The following BNIP1 variants were observed in gnomAD, a reference collection of about 807,000 sequenced individuals.
BNIP1 encodes the protein vesicle transport protein SEC20.
Under a neutral mutation model 28.5 loss-of-function variants are expected in BNIP1, and 25 were observed. That is an observed-to-expected ratio of 0.88 (90% confidence interval 0.64 to 1.23). BNIP1 has a LOEUF of 1.23. BNIP1 is among the 50% of genes most tolerant of loss of function. The pLI is 0.00. For missense variants in BNIP1, 276 were observed against 277.0 expected, an observed-to-expected ratio of 1.00 and a Z score of 0.02; for synonymous variants, 118 against 101.7, an observed-to-expected ratio of 1.16 and a Z score of -0.96.
Position 173,163,857 on chromosome 5 carries a change from C to T in BNIP1, c.623C>T (p.Ala208Val), listed in dbSNP as rs776652848. Residue 208 changes from alanine to valine, a missense_variant, in exon 6 of 6, where the codon GCG becomes GTG. By Grantham distance (64) the Ala-to-Val change is moderately conservative. Transcript: ENST00000351486. ...ELTDKLLIFL[A>V]LALFLATVLY... is the part of the protein sequence containing the mutation. ...ACGGACAAGCTTCTCATCTTCCTTG[C>T]GCTAGCCCTGTTTCTTGCTACGGTC... 1.9e-6 allele frequency: 3 copies of T among 1,613,934 alleles called. No individual in the cohort carries two copies. Among genetic ancestry groups the T allele is most frequent in the Non-Finnish European group, 1.7e-6 (2 of 1,179,974 alleles).
At chr5:173,151,040 T>G (rs1196876752) in intron 2 of BNIP1, among the ~76,000 whole-genome samples, 2 of 152,164 alleles carry the variant, frequency 1.3e-5, no homozygotes, top group East Asian at 3.9e-4. Flanking sequence ...TTTCACCGTG[T>G]TAGCCAGGCT....
intron 3 of BNIP1, 43 bp downstream of exon 3, chr5:173,154,456 C>T (rs886292920): frequency 1.9e-5 from 29 of 1,510,808 alleles, no homozygotes; most frequent in Non-Finnish European, 2.6e-5. Context: ...GCTGGCTCTT[C>T]TTGTTGCCTG....
At position 173,164,018 on chromosome 5, in the gene BNIP1, C is replaced by T. The variant is rs1760440936; in HGVS notation, c.*97C>T. 2 of 1,251,242 alleles carry T rather than the reference C, an allele frequency of 1.6e-6. No homozygotes were observed. The highest frequency in any genetic ancestry group is 3.0e-5 in the African/African-American group (2 of 65,734). The allele number at this position is 1,251,242 out of a possible 1,614,324, so 77.5% of individuals were successfully genotyped here. A position where few individuals can be genotyped will look rare whatever the true frequency, so the allele number is the denominator to read the frequency against. On this transcript the variant is annotated 3_prime_UTR_variant, in exon 6 of 6. Transcript: ENST00000351486. The surrounding 1 kb of genome is among the most constrained non-coding windows in gnomAD (Gnocchi z 4.0). Reference sequence around the variant, plus strand: ...CTGCTAAGCTGAGCCACACACCCCTCCGTTTGCACCAGTTGCCTGCAGGTT... The same window carrying T: ...CTGCTAAGCTGAGCCACACACCCCTTCGTTTGCACCAGTTGCCTGCAGGTT...
At position 173,158,841 on chromosome 5, in the gene BNIP1, C is replaced by G. The variant is rs1760282016; in HGVS notation, c.367C>G (p.Gln123Glu). The change falls in exon 4 of 6, where the codon CAA (glutamine) becomes GAA (glutamate). Residue 123 changes from glutamine (Q) to glutamate (E), a missense_variant. Physicochemically the swap from Gln to Glu is conservative, Grantham distance 29. Coordinates refer to ENST00000351486, the MANE Select transcript of BNIP1 (RefSeq NM_001205.3). ...ELLQGGDLLRQRKTTKESLAQ... is the reference protein window; with the variant it reads ...ELLQGGDLLRERKTTKESLAQ... ...TCTTCAGGGAGGAGATCTCTTAAGG[C>G]AAAGGTACCTATTCTTTTATTTTTC... The G allele has an allele frequency of 6.2e-7, 1 of 1,610,904 alleles. No homozygotes were observed. The highest frequency in any genetic ancestry group is 1.3e-5 in the African/African-American group (1 of 74,800).
intron 3 of BNIP1, among the ~76,000 whole-genome samples, chr5:173,155,501 C>T (rs1350834983): frequency 6.6e-6 from 1 of 152,082 alleles, no homozygotes; most frequent in African/African-American, 2.4e-5. Context: ...GAGTTCGAGA[C>T]CAGCTTGACC....
At chr5:173,161,140 C>T (rs1012209691) in intron 5 of BNIP1, 1 of 240,534 alleles carries the variant, frequency 4.2e-6, no homozygotes, top group African/African-American at 2.2e-5. Flanking sequence ...AAATCCCAGA[C>T]ATCATCCATA....
chr5:173,161,896 T>C (rs918403921), intron 5 of BNIP1: 3 of 152,202 alleles, frequency 2.0e-5, no homozygotes, highest in African/African-American at 7.2e-5. Flanking sequence ...AGATTTTTAC[T>C]TAGCAAGATC....
intron 2 of BNIP1, among the ~76,000 whole-genome samples, chr5:173,151,407 A>G (rs1261824028): frequency 6.6e-6 from 1 of 151,318 alleles, no homozygotes; most frequent in Non-Finnish European, 1.5e-5. Flanking sequence ...GTTTTTATAG[A>G]GACAGGGTTT....
At chr5:173,162,495 G>A (rs1198171011) in intron 5 of BNIP1, among the ~76,000 whole-genome samples, 1 of 152,098 alleles carries the variant, frequency 6.6e-6, no homozygotes, top group Non-Finnish European at 1.5e-5. Flanking sequence ...TGGGCGTGGT[G>A]GTGCATGCCT....
Position 173,163,890 on chromosome 5 carries a change from T to C in BNIP1, c.656T>C (p.Ile219Thr), listed in dbSNP as rs1207788418. ...CTGTTTCTTGCTACGGTCCTCTATA[T>C]TGTGAAAAAGCGGCTCTTTCCATTT... ...LALFLATVLYIVKKRLFPFL is the reference protein window; with the variant it reads ...LALFLATVLYTVKKRLFPFL Residue 219 changes from isoleucine (I) to threonine (T), a missense_variant, in exon 6 of 6, where the codon ATT becomes ACT. Physicochemically the swap from Ile to Thr is moderately conservative, Grantham distance 89. Transcript: ENST00000351486. The C allele has an allele frequency of 6.2e-7, 1 of 1,607,072 alleles. No homozygotes were observed. The highest frequency in any genetic ancestry group is 2.2e-5 in the East Asian group (1 of 44,780).
At position 173,144,554 on chromosome 5, in the gene BNIP1, T is replaced by C. The variant is rs1189223674; in HGVS notation, c.9T>C (p.Ala3=). The change falls in exon 1 of 6, where the codon GCT becomes GCC. Residue 3 remains alanine, a synonymous_variant. Coordinates refer to ENST00000351486, the MANE Select transcript of BNIP1 (RefSeq NM_001205.3). MA[A]PQDVHVRICN... Reference sequence around the variant, plus strand: ...TAGCCGGCGTCCCCAACATGGCGGCTCCCCAAGACGTCCACGTCCGGATCT... The same window carrying C: ...TAGCCGGCGTCCCCAACATGGCGGCCCCCCAAGACGTCCACGTCCGGATCT... 1.9e-6 allele frequency: 3 copies of C among 1,613,978 alleles called. No individual in the cohort carries two copies. The highest frequency in any genetic ancestry group is 1.7e-5 in the Admixed American group (1 of 60,010).
intron 2 of BNIP1, among the ~76,000 whole-genome samples, chr5:173,149,933 A>G (rs1380547229): frequency 6.6e-6 from 1 of 152,212 alleles, no homozygotes; most frequent in Non-Finnish European, 1.5e-5. Flanking sequence ...TTGGGCAGGG[A>G]CAAATATTCA....
At chr5:173,147,392 G>A (rs965948239) in intron 2 of BNIP1, among the ~76,000 whole-genome samples, 3 of 151,666 alleles carry the variant, frequency 2.0e-5, no homozygotes, top group African/African-American at 4.8e-5. Flanking sequence ...GCGACAGAGC[G>A]AGACTCTGTC....
At chr5:173,163,120 C>T (rs1373247536) in intron 5 of BNIP1, among the ~76,000 whole-genome samples, 1 of 152,228 alleles carries the variant, frequency 6.6e-6, no homozygotes, top group Admixed American at 6.5e-5. Flanking sequence ...AGAAATACAT[C>T]TGACTCTGGG....
In BNIP1 at chr5:173,163,891, T is replaced by G; in HGVS notation, c.657T>G (p.Ile219Met). ...LALFLATVLY[I>M]VKKRLFPFL Reference sequence around the variant, plus strand: ...TGTTTCTTGCTACGGTCCTCTATATTGTGAAAAAGCGGCTCTTTCCATTTT... The same window carrying G: ...TGTTTCTTGCTACGGTCCTCTATATGGTGAAAAAGCGGCTCTTTCCATTTT... The change falls in exon 6 of 6, where the codon ATT becomes ATG. Residue 219 changes from isoleucine (I) to methionine (M), a missense_variant. Transcript: ENST00000351486. The G allele has an allele frequency of 6.2e-7, 1 of 1,605,316 alleles. No homozygotes were observed. The highest frequency in any genetic ancestry group is 8.5e-7 in the Non-Finnish European group (1 of 1,176,752).
At chr5:173,159,872 G>GAGAT in intron 4 of BNIP1, 61 bp from the exon 5 acceptor site, 3 of 1,361,882 alleles carry the variant, frequency 2.2e-6, no homozygotes, top group Non-Finnish European at 3.1e-6. Context: ...TGGATGTGGG[G>GAGAT]CCTTCTTGCA....
Position 173,157,914 on chromosome 5 carries a change from G to T in BNIP1, c.270-830G>T, listed in dbSNP as rs1047526557. 2.7e-5 allele frequency among the ~76,000 whole-genome samples: 4 copies of T among 149,350 alleles called. No individual in the cohort carries two copies. In the South Asian group the frequency reaches 8.5e-4, roughly 32 times the overall value. ...ATATTTTGAAAGATTGGCTTTTTGT[G>T]TGTGTGTGTGTGTTTTTTTTTTTTT... is the stretch of plus-strand genomic sequence containing the variant. On this transcript the variant is annotated intron_variant, in intron 3 of 5. Coordinates refer to ENST00000351486, the MANE Select transcript of BNIP1 (RefSeq NM_001205.3).
At chr5:173,156,781 T>C (rs926575228) in intron 3 of BNIP1, among the ~76,000 whole-genome samples, 14 of 151,080 alleles carry the variant, frequency 9.3e-5, no homozygotes, top group Admixed American at 1.3e-4. Context: ...TCCGAGTAGC[T>C]GGGACTACAG....
intron 2 of BNIP1, among the ~76,000 whole-genome samples, chr5:173,148,069 A>G (rs1383564908): frequency 2.9e-4 from 12 of 41,270 alleles, no homozygotes; most frequent in African/African-American, 1.3e-3. Context: ...TGTCAAAAAA[A>G]AAAAAAAAAA....
Sources: gnomAD v4.1 joint callset for allele counts (sites outside exome capture counted in the v4.1 genomes callset) on GRCh38, gnomAD v4.1.1 for gene constraint, Gnocchi (gnomAD v3.1) non-coding constraint, MANE v1.5 for transcripts, NCBI Gene and HGNC (gene_info 2026-07-23, HGNC 2026-07-21) for gene names.